Variants in SP100 observed in about 807,000 individuals in gnomAD.
SP100 encodes the protein nuclear autoantigen Sp-100.
Under a neutral mutation model 130.0 loss-of-function variants are expected in SP100, and 84 were observed. That is an observed-to-expected ratio of 0.65 (90% CI 0.54 to 0.77). SP100 has a LOEUF of 0.77. SP100 is among the 30% of genes least tolerant of loss of function. SP100 has a pLI of 0.00. For missense variants in SP100, 978 were observed against 1,052.2 expected (o/e 0.93, Z 0.97); for synonymous variants, 331 against 351.7 (o/e 0.94, Z 0.66).
chr2:230,483,182 A>T (rs1003840970), intron 17 of SP100, among the ~76,000 whole-genome samples: 1 of 152,222 alleles, frequency 6.6e-6, no homozygotes, highest in Non-Finnish European at 1.5e-5. Flanking sequence ...ATAATATTTC[A>T]GATAGTGACA....
chr2:230,420,735 C>T (rs1446965078), intron 2 of SP100, among the ~76,000 whole-genome samples: 1 of 150,184 alleles, frequency 6.7e-6, no homozygotes, highest in Non-Finnish European at 1.5e-5. Context: ...CAAAGTAAAA[C>T]ATATATATAT....
chr2:230,529,726 CAA>C (rs1691606421), intron 24 of SP100, among the ~76,000 whole-genome samples: 1 of 152,184 alleles, frequency 6.6e-6, no homozygotes, highest in East Asian at 1.9e-4. Context: ...GCAAATTTAG[CAA>C]AGTCTCAGGA....
intron 24 of SP100, among the ~76,000 whole-genome samples, chr2:230,517,975 A>C (rs1691003129): frequency 6.6e-6 from 1 of 152,124 alleles, no homozygotes; most frequent in African/African-American, 2.4e-5. Flanking sequence ...CAACTTGATC[A>C]TATACAAAAT....
At chr2:230,528,464 A>G (rs1019535360) in intron 24 of SP100, among the ~76,000 whole-genome samples, 3 of 152,252 alleles carry the variant, frequency 2.0e-5, no homozygotes, top group South Asian at 2.1e-4. Flanking sequence ...AAATGCCCAC[A>G]AGAGAAAGCA....
rs776977782 is a variant in SP100, at chr2:230,461,254, A to T, written c.821-8A>T. On this transcript the variant is annotated splice_polypyrimidine_tract_variant and splice_region_variant and intron_variant, in intron 8 of 28. Coordinates refer to ENST00000340126, the MANE Select transcript of SP100 (RefSeq NM_001080391.2). ...CACAAATGAAAATTCTTCATTTATT[A>T]CAATTAGGCCCAGAGGCAGAGCTAC... 2 of 1,611,530 alleles carry T rather than the reference A, an allele frequency of 1.2e-6. No homozygotes were observed. The highest frequency in any genetic ancestry group is 1.7e-6 in the Non-Finnish European group (2 of 1,179,024).
intron 23 of SP100, chr2:230,508,792 C>T (rs1690333543): frequency 6.6e-6 from 1 of 152,126 alleles, no homozygotes; most frequent in South Asian, 2.1e-4. Context: ...CCCCTAGAAA[C>T]ATCCCATGGT....
At chr2:230,430,903 G>A (rs2063079479) in intron 2 of SP100, among the ~76,000 whole-genome samples, 1 of 152,174 alleles carries the variant, frequency 6.6e-6, no homozygotes, top group Non-Finnish European at 1.5e-5. Flanking sequence ...CAGGGTGGCT[G>A]GCTTGATTAC....
At chr2:230,486,655 T>C (rs2150029337) in intron 17 of SP100, among the ~76,000 whole-genome samples, 1 of 152,372 alleles carries the variant, frequency 6.6e-6, no homozygotes, top group East Asian at 1.9e-4. Flanking sequence ...CATGTGTCTT[T>C]ATAGTAGAAT....
chr2:230,436,263 G>C (rs10180131), intron 2 of SP100, among the ~76,000 whole-genome samples: 58,073 of 151,770 alleles, frequency 0.38, 11,307 homozygotes, highest in Non-Finnish European at 0.41. Context: ...TTCAATGTAT[G>C]TCGTTCCAAA....
Position 230,464,084 on chromosome 2 carries a change from C to A in SP100, c.1075C>A (p.Pro359Thr). 6.2e-7 allele frequency: 1 copy of A among 1,611,964 alleles called. No individual in the cohort carries two copies. Among genetic ancestry groups the A allele is most frequent in the African/African-American group, 1.3e-5 (1 of 74,970 alleles). Residue 359 changes from proline (P) to threonine (T), a missense_variant, in exon 11 of 29, where the codon CCT becomes ACT. Physicochemically the swap from Pro to Thr is conservative, Grantham distance 38 (BLOSUM62 -1). Coordinates refer to ENST00000340126, the MANE Select transcript of SP100 (RefSeq NM_001080391.2). ...TTGTGCAGTGATCAATAATGACAAC[C>A]CTTTAGAATCAAATGATGAAAAGGA... is the stretch of plus-strand genomic sequence containing the variant. ...RSEPVINNDN[P>T]LESNDEKEGQ...
intron 8 of SP100, among the ~76,000 whole-genome samples, chr2:230,453,443 G>T (rs903724656): frequency 2.0e-5 from 3 of 152,184 alleles, no homozygotes; most frequent in African/African-American, 7.2e-5. Flanking sequence ...GGTACTAGCT[G>T]TGGGCTTGTC....
chr2:230,421,038 G>A (rs1161242483), intron 2 of SP100, among the ~76,000 whole-genome samples: 1 of 151,960 alleles, frequency 6.6e-6, no homozygotes, highest in African/African-American at 2.4e-5. Flanking sequence ...TCAGTAATCA[G>A]TGTTACCATT....
intron 24 of SP100, among the ~76,000 whole-genome samples, chr2:230,520,038 G>A (rs1327601717): frequency 6.6e-6 from 1 of 152,178 alleles, no homozygotes; most frequent in Admixed American, 6.5e-5. Flanking sequence ...AAGTGTGGTG[G>A]TTTTGAATTT....
chr2:230,542,995 G>A lies in SP100; in HGVS notation c.*49G>A. 1 of 1,037,474 alleles carries A rather than the reference G, an allele frequency of 9.6e-7. No homozygotes were observed. Among genetic ancestry groups the A allele is most frequent in the Non-Finnish European group, 1.5e-6 (1 of 664,058 alleles). 64.3% of individuals were successfully genotyped at this position (1,037,474 alleles called of 1,614,324 possible). A position where few individuals can be genotyped will look rare whatever the true frequency, so the allele number is the denominator to read the frequency against. ...ATCCTCTGGCAGCTAGCTACGCAAT[G>A]TGCCTGTGGTCCCACTAATCTGTGA... On this transcript the variant is annotated 3_prime_UTR_variant, in exon 29 of 29. Transcript: ENST00000340126.
intron 11 of SP100, 24 bp from the exon 12 acceptor site, chr2:230,466,277 G>T: frequency 6.9e-7 from 1 of 1,442,876 alleles, no homozygotes; most frequent in Non-Finnish European, 9.6e-7. Context: ...TACAAATAAC[G>T]GGTTTCTCCC....
intron 11 of SP100, among the ~76,000 whole-genome samples, chr2:230,465,823 C>A (rs1278): frequency 6.6e-6 from 1 of 151,748 alleles, no homozygotes; most frequent in Non-Finnish European, 1.5e-5. Context: ...GGGCAGGATC[C>A]CAACATTATG....
chr2:230,493,577 T>C (rs1361294038), intron 17 of SP100, among the ~76,000 whole-genome samples: 1 of 152,216 alleles, frequency 6.6e-6, no homozygotes, highest in Non-Finnish European at 1.5e-5. Context: ...ATTTCTGTAA[T>C]CTATGTCCTT....
chr2:230,449,740 GA>G (rs2063878540), intron 7 of SP100, 30 bp downstream of exon 7: 1 of 1,613,096 alleles, frequency 6.2e-7, no homozygotes, highest in Non-Finnish European at 8.5e-7. Flanking sequence ...CATGAATGGG[GA>G]GGAGCCAAGG....
At chr2:230,503,291 G>A (rs1272710452) in intron 20 of SP100, among the ~76,000 whole-genome samples, 181 bp downstream of exon 20, 1 of 152,094 alleles carries the variant, frequency 6.6e-6, no homozygotes, top group Non-Finnish European at 1.5e-5. Flanking sequence ...GATCCCCAGT[G>A]TCCCAGTCAA....
Sources: allele counts gnomAD v4.1 joint callset (sites outside exome capture counted in the v4.1 genomes callset), GRCh38; gene constraint gnomAD v4.1.1; transcripts MANE v1.5; gene names NCBI Gene and HGNC (gene_info 2026-07-23, HGNC 2026-07-21).